The following ARHGEF18 variants were observed in gnomAD, a reference collection of about 807,000 sequenced individuals.
ARHGEF18 encodes rho guanine nucleotide exchange factor 18.
A neutral mutation model predicts 155.7 loss-of-function variants in ARHGEF18; 93 were observed. The observed-to-expected ratio is 0.60, with a 90% CI of 0.50 to 0.71. The LOEUF is 0.71. Ranked by LOEUF, ARHGEF18 falls within the 30% of genes least tolerant of loss-of-function variation. ARHGEF18 has a pLI of 0.00. For missense variants in ARHGEF18, 1,593 were observed against 1,816.1 expected (o/e 0.88, Z 2.23); for synonymous variants, 742 against 753.1 (o/e 0.99, Z 0.24).
At chr19:7,475,832 G>A (rs1274328092), downstream of ARHGEF18, among the ~76,000 whole-genome samples, 1 of 152,240 alleles carries the variant, frequency 6.6e-6, no homozygotes, top group East Asian at 1.9e-4. Context: ...TAATCATGCA[G>A]GTGCTGCTAG....
chr19:7,453,214 C>T (rs73921432), intron 16 of ARHGEF18, among the ~76,000 whole-genome samples: 1 of 150,558 alleles, frequency 6.6e-6, no homozygotes, highest in Non-Finnish European at 1.5e-5. Context: ...CTCCCCCCCC[C>T]AAAAAAAACC....
intron 23 of ARHGEF18, among the ~76,000 whole-genome samples, chr19:7,465,001 G>A (rs1013192280): frequency 6.6e-6 from 1 of 152,214 alleles, no homozygotes; most frequent in Non-Finnish European, 1.5e-5. Context: ...GCCGGGGCAG[G>A]TGTGGTGGTG....
intron 10 of ARHGEF18, among the ~76,000 whole-genome samples, chr19:7,424,777 C>G (rs1462854309): frequency 6.6e-6 from 1 of 152,078 alleles, no homozygotes; most frequent in Non-Finnish European, 1.5e-5. Flanking sequence ...GGGCGGATCA[C>G]GAGTTCAGGA....
intron 10 of ARHGEF18, among the ~76,000 whole-genome samples, chr19:7,407,167 G>A (rs1037067704): frequency 8.6e-5 from 13 of 151,892 alleles, no homozygotes; most frequent in African/African-American, 3.1e-4. Flanking sequence ...GCTCACGCTG[G>A]TAATCCCAGC....
At chr19:7,357,967 C>A (rs1234015801) in intron 1 of ARHGEF18, among the ~76,000 whole-genome samples, 1 of 152,074 alleles carries the variant, frequency 6.6e-6, no homozygotes, top group African/African-American at 2.4e-5. Flanking sequence ...ACAATTCTGT[C>A]CCTCTTCCTT....
intron 9 of ARHGEF18, 78 bp downstream of exon 9, chr19:7,382,972 G>T: frequency 8.1e-7 from 1 of 1,232,250 alleles, no homozygotes; most frequent in South Asian, 4.1e-5. Flanking sequence ...GGAGCCCTGT[G>T]ACTGGGGCTG....
At chr19:7,389,063 G>A (rs988676425) in intron 10 of ARHGEF18, among the ~76,000 whole-genome samples, 2 of 150,990 alleles carry the variant, frequency 1.3e-5, no homozygotes, top group South Asian at 2.1e-4. Context: ...ACAGCTTACT[G>A]CAGCCTCGAC....
At chr19:7,445,727 C>A (rs1394140766) in intron 14 of ARHGEF18, among the ~76,000 whole-genome samples, 1 of 152,090 alleles carries the variant, frequency 6.6e-6, no homozygotes, top group Non-Finnish European at 1.5e-5. Context: ...TCAAGCAATT[C>A]TCATGCCTCA....
At chr19:7,417,750 C>G (rs531266730) in intron 10 of ARHGEF18, among the ~76,000 whole-genome samples, 1 of 151,914 alleles carries the variant, frequency 6.6e-6, no homozygotes, top group African/African-American at 2.4e-5. Flanking sequence ...GCAGCAGCCA[C>G]GGGGGCCCAG....
In ARHGEF18 at chr19:7,357,096, G is replaced by A. The variant is rs887862307; in HGVS notation, c.-110-5685G>A. Among the ~76,000 whole-genome samples, 4 of 152,184 alleles carry A rather than the reference G, an allele frequency of 2.6e-5. No individual in the cohort carries two copies. The South Asian group carries it at 6.2e-4, about 24-fold the overall frequency. On this transcript the variant is annotated intron_variant, in intron 1 of 28. Transcript: ENST00000668164. The stretch of plus-strand genomic sequence containing the variant: ...ATGAAGTTGGGCTCAGAGAGGTTGA[G>A]CGACTTGCTCGAGGTCACACAGCAA...
At chr19:7,404,127 G>A (rs1192120544) in intron 10 of ARHGEF18, among the ~76,000 whole-genome samples, 1 of 151,946 alleles carries the variant, frequency 6.6e-6, no homozygotes, top group Non-Finnish European at 1.5e-5. Context: ...TTAGAGGTGT[G>A]AGCCACTGCA....
intron 10 of ARHGEF18, among the ~76,000 whole-genome samples, chr19:7,427,611 C>T (rs1008514616): frequency 6.7e-6 from 1 of 149,592 alleles, no homozygotes; most frequent in African/African-American, 2.5e-5. Context: ...CGCCACTGCA[C>T]TCCAACCTGG....
At chr19:7,383,422 T>C (rs1008540767) in intron 10 of ARHGEF18, 14 of 429,934 alleles carry the variant, frequency 3.3e-5, no homozygotes, top group African/African-American at 2.8e-4. Context: ...GTCTCAGCTT[T>C]TGCGATTGTG....
chr19:7,376,070 C>T (rs1180542263), intron 4 of ARHGEF18, among the ~76,000 whole-genome samples, 200 bp downstream of exon 4: 2 of 152,100 alleles, frequency 1.3e-5, no homozygotes, highest in Non-Finnish European at 2.9e-5. Flanking sequence ...AAGGGATTTC[C>T]CTGGGTAAGC....
chr19:7,372,698 G>C, intron 2 of ARHGEF18, 114 bp from the exon 3 acceptor site: 5 of 1,092,498 alleles, frequency 4.6e-6, no homozygotes, highest in Non-Finnish European at 5.8e-6. Context: ...GGGACAGGTA[G>C]GGGACAGGCA....
At chr19:7,446,895 CAAAA>C (rs11329734) in intron 14 of ARHGEF18, 144 bp from the exon 15 acceptor site, 651 of 704,608 alleles carry the variant, frequency 9.2e-4, no homozygotes, top group Admixed American at 1.2e-3. Context: ...GATGCTGTCT[CAAAA>C]AAAAAAAAAA....
At chr19:7,366,402 G>A (rs531537999) in intron 2 of ARHGEF18, among the ~76,000 whole-genome samples, 4 of 152,324 alleles carry the variant, frequency 2.6e-5, no homozygotes, top group South Asian at 2.1e-4. Flanking sequence ...GCTTAAAGGC[G>A]CCATGAGCTC....
At position 7,467,522 on chromosome 19, in the gene ARHGEF18, G is replaced by C. The variant is rs1203849207; in HGVS notation, c.3318G>C (p.Arg1106=). The C allele has an allele frequency of 2.1e-6, 3 of 1,437,626 alleles. No individual in the cohort carries two copies. The East Asian group carries it at 8.6e-5, about 41-fold the overall frequency. 89.1% of individuals were successfully genotyped at this position (1,437,626 alleles called of 1,614,324 possible). A position where few individuals can be genotyped will look rare whatever the true frequency, so the allele number is the denominator to read the frequency against. Reference sequence around the variant, plus strand: ...TACGCGAGCGGCTGGAGCAGGAGCGGGCCGAGCTGGAGCGCCAGCGCCAGG... The same window carrying C: ...TACGCGAGCGGCTGGAGCAGGAGCGCGCCGAGCTGGAGCGCCAGCGCCAGG... ...RQLRERLEQE[R]AELERQRQAY... The change falls in exon 26 of 29, where the codon CGG becomes CGC. Residue 1106 remains arginine (R), a synonymous_variant. Transcript: ENST00000668164.
At chr19:7,430,533 C>T (rs1304355199) in intron 10 of ARHGEF18, among the ~76,000 whole-genome samples, 1 of 152,130 alleles carries the variant, frequency 6.6e-6, no homozygotes, top group Admixed American at 6.6e-5. Context: ...ACAGGCCAGG[C>T]ATGGTGTTGC....
Sources: allele counts gnomAD v4.1 joint callset (sites outside exome capture counted in the v4.1 genomes callset), GRCh38; gene constraint gnomAD v4.1.1; transcripts MANE v1.5; gene names NCBI Gene and HGNC (gene_info 2026-07-23, HGNC 2026-07-21).